Variants in RAB18 observed in about 807,000 individuals in gnomAD.
RAB18 encodes RAB18, member RAS oncogene family, also known as ras-related protein Rab-18.
Under a neutral mutation model 28.5 loss-of-function variants are expected in RAB18, and 10 were observed. The ratio of observed to expected loss-of-function variants is 0.35; its 90% CI spans 0.22 to 0.60. The LOEUF (loss-of-function observed/expected upper bound fraction) is 0.60, where lower values mean the gene tolerates loss of function less well. RAB18 is among the 20% of genes least tolerant of loss of function. RAB18 has a pLI of 0.78. For missense variants in RAB18, 188 were observed against 244.2 expected (o/e 0.77, Z 1.53); for synonymous variants, 93 against 86.9 (o/e 1.07, Z -0.39).
chr10:27,534,823 C>CAT (rs1002024234), intron 6 of RAB18, among the ~76,000 whole-genome samples: 87 of 152,274 alleles, frequency 5.7e-4, no homozygotes, highest in African/African-American at 2.1e-3. Flanking sequence ...GAGAGGACTT[C>CAT]ATATATAGAT....
chr10:27,516,461 G>A (rs1834439504), intron 2 of RAB18, among the ~76,000 whole-genome samples: 1 of 151,886 alleles, frequency 6.6e-6, no homozygotes, highest in South Asian at 2.1e-4. Flanking sequence ...GGGAGGCTGA[G>A]GCAGGAGAAT....
chr10:27,526,954 TTTGTG>T, intron 3 of RAB18, 65 bp downstream of exon 3: 4 of 1,508,556 alleles, frequency 2.7e-6, no homozygotes, highest in Middle Eastern at 1.7e-4. Context: ...CAGAAATTGA[TTTGTG>T]TAGTGTTCTA....
chr10:27,527,599 C>T (rs938536178), intron 3 of RAB18, among the ~76,000 whole-genome samples: 5 of 116,086 alleles, frequency 4.3e-5, no homozygotes, highest in African/African-American at 1.6e-4. Flanking sequence ...TATGTATATT[C>T]TAAATATATA....
rs1391706686 is a variant in RAB18 at position 27,539,678 on chromosome 10, T to C, written c.*1627T>C. The C allele has an allele frequency of 4.4e-6, 2 of 453,442 alleles. No individual in the cohort carries two copies. Among genetic ancestry groups the C allele is most frequent in the Admixed American group, 4.7e-5 (2 of 42,498 alleles). 28.1% of individuals were successfully genotyped at this position (453,442 alleles called of 1,614,324 possible). A position where few individuals can be genotyped will look rare whatever the true frequency, so the allele number is the denominator to read the frequency against. ...CTGTTGTTTTTTGCTCCTTGAGCTATATAATAATCTGTGTATTGGATTGTT... is the reference window on the plus strand; with the variant it reads ...CTGTTGTTTTTTGCTCCTTGAGCTACATAATAATCTGTGTATTGGATTGTT... On this transcript the variant is annotated 3_prime_UTR_variant, in exon 7 of 7. Transcript: ENST00000356940.
rs1182994150 is a variant in RAB18, at chr10:27,540,325, TCACATAG to T, written c.*2276_*2282del. 1 of 453,994 alleles carries T rather than the reference TCACATAG, an allele frequency of 2.2e-6. No individual in the cohort carries two copies. The highest frequency in any genetic ancestry group is 1.6e-5 in the South Asian group (1 of 64,472). 28.1% of individuals were successfully genotyped at this position (453,994 alleles called of 1,614,324 possible). On this transcript the variant is annotated 3_prime_UTR_variant, in exon 7 of 7. Coordinates refer to ENST00000356940, the MANE Select transcript of RAB18 (RefSeq NM_021252.5). ...AGGTATGTTAGGTAACCCCCAAAGA[TCACATAG>T]CTACTCAGTCACTGAGCTGGATTCC... is the stretch of plus-strand genomic sequence containing the variant.
chr10:27,527,821 A>G (rs931631085), intron 3 of RAB18, among the ~76,000 whole-genome samples: 1 of 152,056 alleles, frequency 6.6e-6, no homozygotes, highest in African/African-American at 2.4e-5. Context: ...CATTCTCTGA[A>G]TGGCACACTG....
intron 2 of RAB18, among the ~76,000 whole-genome samples, chr10:27,518,888 G>A (rs1001488701): frequency 1.2e-4 from 18 of 146,974 alleles, no homozygotes; most frequent in African/African-American, 4.4e-4. Flanking sequence ...AAGTCTTATA[G>A]TTTATAAAGT....
chr10:27,513,034 T>TA (rs200640744), intron 2 of RAB18, among the ~76,000 whole-genome samples: 2,702 of 116,266 alleles, frequency 0.023, 28 homozygotes, highest in African/African-American at 0.036. Context: ...ATATATATAT[T>TA]TTTTTTTTTT....
intron 2 of RAB18, among the ~76,000 whole-genome samples, chr10:27,516,280 G>A (rs907817066): frequency 1.3e-5 from 2 of 152,098 alleles, no homozygotes; most frequent in Admixed American, 6.5e-5. Context: ...TTTGGGCCAG[G>A]CGCAGTGGCT....
Position 27,538,098 on chromosome 10 carries a change from C to G in RAB18, c.*47C>G. 1 of 1,609,850 alleles carries G rather than the reference C, an allele frequency of 6.2e-7. No homozygotes were observed. Among genetic ancestry groups the G allele is most frequent in the Non-Finnish European group, 8.5e-7 (1 of 1,176,176 alleles). ...TGCATATTTGATCAGATAGTGACAT[C>G]TTTCTGTATATAAACTCTTTAACTG... On this transcript the variant is annotated 3_prime_UTR_variant, in exon 7 of 7. Coordinates refer to ENST00000356940, the MANE Select transcript of RAB18 (RefSeq NM_021252.5).
chr10:27,540,284 G>A lies in RAB18; in HGVS notation c.*2233G>A, dbSNP rs1230190158. 1 of 453,882 alleles carries A rather than the reference G, an allele frequency of 2.2e-6. No individual in the cohort carries two copies. Among genetic ancestry groups the A allele is most frequent in the East Asian group, 6.9e-5 (1 of 14,396 alleles). 28.1% of individuals were successfully genotyped at this position (453,882 alleles called of 1,614,324 possible). A position where few individuals can be genotyped will look rare whatever the true frequency, so the allele number is the denominator to read the frequency against. On this transcript the variant is annotated 3_prime_UTR_variant, in exon 7 of 7. Coordinates refer to ENST00000356940, the MANE Select transcript of RAB18 (RefSeq NM_021252.5). The stretch of plus-strand genomic sequence containing the variant: ...CTCCTATTATGCCCATTTTAAAGGT[G>A]AGGACAACACAATGTAGGTATGTTA...
chr10:27,530,761 T>C (rs1834772018), intron 3 of RAB18, among the ~76,000 whole-genome samples: 1 of 151,898 alleles, frequency 6.6e-6, no homozygotes, highest in South Asian at 2.1e-4. Flanking sequence ...CATTTTACTA[T>C]GATATGCATA....
intron 3 of RAB18, 139 bp from the exon 4 acceptor site, chr10:27,532,368 C>G (rs1554902357): frequency 1.7e-6 from 1 of 598,828 alleles, no homozygotes; most frequent in Non-Finnish European, 2.9e-6. Context: ...GCGAACACAT[C>G]TTATTTAAGT....
At chr10:27,524,874 A>C (rs1345401151) in intron 2 of RAB18, among the ~76,000 whole-genome samples, 3 of 152,200 alleles carry the variant, frequency 2.0e-5, no homozygotes, top group Non-Finnish European at 1.5e-5. Context: ...GAACCTAGGG[A>C]AGATGACTGG....
chr10:27,507,416 T>TA (rs537713890), intron 1 of RAB18, among the ~76,000 whole-genome samples: 302 of 152,264 alleles, frequency 2.0e-3, no homozygotes, highest in African/African-American at 7.1e-3. Flanking sequence ...TCTCAGACCC[T>TA]AAATGTGTAA....
chr10:27,540,097 G>A lies in RAB18; in HGVS notation c.*2046G>A. On this transcript the variant is annotated 3_prime_UTR_variant, in exon 7 of 7. Transcript: ENST00000356940. ...TACAAATTAGAACAATTAGAATATAGTATTTTGAGTTCTAGTAGTACTGAG... is the reference window on the plus strand; with the variant it reads ...TACAAATTAGAACAATTAGAATATAATATTTTGAGTTCTAGTAGTACTGAG... 2.2e-6 allele frequency: 1 copy of A among 453,928 alleles called. No homozygotes were observed. The highest frequency in any genetic ancestry group is 1.6e-5 in the South Asian group (1 of 64,456). 28.1% of individuals were successfully genotyped at this position (453,928 alleles called of 1,614,324 possible).
chr10:27,541,007 G>C lies in RAB18; in HGVS notation c.*2956G>C. ...ACAACTTAATACATATTTTTTCTGTGTATTTTTTTCAAATGAACTCAACAA... is the reference window on the plus strand; with the variant it reads ...ACAACTTAATACATATTTTTTCTGTCTATTTTTTTCAAATGAACTCAACAA... On this transcript the variant is annotated 3_prime_UTR_variant, in exon 7 of 7. Coordinates refer to ENST00000356940, the MANE Select transcript of RAB18 (RefSeq NM_021252.5). The C allele has an allele frequency of 2.2e-6, 1 of 452,672 alleles. No individual in the cohort carries two copies. The highest frequency in any genetic ancestry group is 1.6e-5 in the South Asian group (1 of 64,188). 28.0% of individuals were successfully genotyped at this position (452,672 alleles called of 1,614,324 possible). A position where few individuals can be genotyped will look rare whatever the true frequency, so the allele number is the denominator to read the frequency against.
intron 2 of RAB18, among the ~76,000 whole-genome samples, chr10:27,517,881 A>G (rs1834469705): frequency 6.6e-6 from 1 of 151,916 alleles, no homozygotes; most frequent in Admixed American, 6.6e-5. Flanking sequence ...CTCTAACCTC[A>G]GCAGCCACTT....
intron 3 of RAB18, chr10:27,531,635 G>C (rs763793861): frequency 1.5e-4 from 117 of 765,902 alleles, no homozygotes; most frequent in Admixed American, 2.8e-4. Flanking sequence ...TAGGCCTGCT[G>C]TGTTTCAATA....
Sources: gnomAD v4.1 joint callset for allele counts (sites outside exome capture counted in the v4.1 genomes callset) on GRCh38, gnomAD v4.1.1 for gene constraint, MANE v1.5 for transcripts, NCBI Gene and HGNC (gene_info 2026-07-23, HGNC 2026-07-21) for gene names.